Variants in CCDC60 observed in about 807,000 individuals in gnomAD.
CCDC60 encodes the protein coiled-coil domain-containing protein 60.
Under a neutral mutation model 63.5 loss-of-function variants are expected in CCDC60, and 54 were observed. That is an observed-to-expected ratio of 0.85 (90% CI 0.68 to 1.07). CCDC60 has a LOEUF of 1.07. Among genes scored for constraint, CCDC60 ranks in the 50% least tolerant of loss-of-function variants. The pLI, the probability that CCDC60 is intolerant of heterozygous loss-of-function variation, is 0.00. For synonymous variants in CCDC60, 206 were observed against 238.8 expected (o/e 0.86, Z 1.27); for missense variants, 651 against 684.3 (o/e 0.95, Z 0.54).
intron 1 of CCDC60, among the ~76,000 whole-genome samples, chr12:119,423,310 C>G (rs1956846079): frequency 6.6e-6 from 1 of 152,220 alleles, no homozygotes; most frequent in Admixed American, 6.5e-5. Flanking sequence ...CCTTGATTAA[C>G]TTAAGGGGAG....
At chr12:119,341,319 C>G (rs1034249377) in intron 1 of CCDC60, among the ~76,000 whole-genome samples, 1 of 146,700 alleles carries the variant, frequency 6.8e-6, no homozygotes, top group Non-Finnish European at 1.5e-5. Flanking sequence ...TTTGTCCCAT[C>G]TGCAAGGAGG....
intron 1 of CCDC60, among the ~76,000 whole-genome samples, chr12:119,396,407 G>A (rs1956255236): frequency 1.3e-5 from 2 of 152,178 alleles, no homozygotes; most frequent in Non-Finnish European, 2.9e-5. Context: ...GTATAGAGGT[G>A]AGAGTGGCAG....
chr12:119,400,362 T>C lies in CCDC60; in HGVS notation c.91-28321T>C, dbSNP rs529122940. ...CTGCGCCCGGCCCGGTTGGTTTCCA[T>C]AGGTCAGAGCAGCATGAGGATATTT... On this transcript the variant is annotated intron_variant, in intron 1 of 13. Coordinates refer to ENST00000327554, the MANE Select transcript of CCDC60 (RefSeq NM_178499.5). Among the ~76,000 whole-genome samples the C allele has an allele frequency of 9.7e-4, 148 of 152,334 alleles. 1 individual carries two copies. Among genetic ancestry groups the C allele is most frequent in the Admixed American group, 7.6e-3 (116 of 15,310 alleles).
intron 2 of CCDC60, among the ~76,000 whole-genome samples, chr12:119,433,972 G>C (rs1285242752): frequency 6.6e-6 from 1 of 152,160 alleles, no homozygotes; most frequent in Non-Finnish European, 1.5e-5. Context: ...GAAGTGCGAT[G>C]ACGTACCTTC....
intron 7 of CCDC60, among the ~76,000 whole-genome samples, chr12:119,511,393 C>T (rs1262253324): frequency 6.6e-6 from 1 of 152,186 alleles, no homozygotes; most frequent in Non-Finnish European, 1.5e-5. Context: ...GATCCCCTCC[C>T]CAAATCAATG....
At chr12:119,458,580 G>C (rs1370721611) in intron 2 of CCDC60, among the ~76,000 whole-genome samples, 1 of 152,118 alleles carries the variant, frequency 6.6e-6, no homozygotes, top group Non-Finnish European at 1.5e-5. Context: ...TTTCTTGTGA[G>C]GTTCCTGAGA....
chr12:119,538,441 C>T (rs1027610383), intron 13 of CCDC60, among the ~76,000 whole-genome samples: 2 of 152,228 alleles, frequency 1.3e-5, no homozygotes, highest in Admixed American at 1.3e-4. Context: ...CAACCAGTCC[C>T]AATGAGATGA....
intron 4 of CCDC60, among the ~76,000 whole-genome samples, chr12:119,487,727 C>A (rs1313197111): frequency 1.3e-5 from 2 of 152,154 alleles, no homozygotes; most frequent in Admixed American, 6.6e-5. Flanking sequence ...ATAATTCATA[C>A]TCCAGCAGGT....
intron 2 of CCDC60, among the ~76,000 whole-genome samples, chr12:119,440,991 A>C (rs868415689): frequency 1.1e-4 from 16 of 152,342 alleles, no homozygotes; most frequent in Middle Eastern, 3.4e-3. Flanking sequence ...GTATTACATC[A>C]TTCACGTTCC....
At chr12:119,462,634 T>A (rs1342622783) in intron 2 of CCDC60, among the ~76,000 whole-genome samples, 2 of 152,006 alleles carry the variant, frequency 1.3e-5, no homozygotes, top group African/African-American at 2.4e-5. Context: ...AGACTGAGAA[T>A]TTTTTTAGAG....
At chr12:119,513,449 C>T (rs1178537620) in intron 7 of CCDC60, among the ~76,000 whole-genome samples, 1 of 152,178 alleles carries the variant, frequency 6.6e-6, no homozygotes, top group Non-Finnish European at 1.5e-5. Context: ...CTGGTGGGTG[C>T]TGGCAATCCT....
chr12:119,432,186 C>T (rs146120049), intron 2 of CCDC60, among the ~76,000 whole-genome samples: 2 of 152,294 alleles, frequency 1.3e-5, no homozygotes, highest in African/African-American at 4.8e-5. Flanking sequence ...GCCTTGGGAA[C>T]CTTGGAGCCC....
chr12:119,537,052 C>T (rs1402411547), intron 13 of CCDC60, among the ~76,000 whole-genome samples: 1 of 152,176 alleles, frequency 6.6e-6, no homozygotes, highest in Admixed American at 6.5e-5. Flanking sequence ...GTACACCAAT[C>T]AAACATAGTT....
chr12:119,507,664 G>T (rs2136442860), intron 7 of CCDC60, among the ~76,000 whole-genome samples: 1 of 135,404 alleles, frequency 7.4e-6, no homozygotes, highest in African/African-American at 2.8e-5. Flanking sequence ...TGCCCAGGCT[G>T]GAATGCAGTG....
intron 1 of CCDC60, among the ~76,000 whole-genome samples, chr12:119,397,644 C>G (rs1956282976): frequency 6.8e-6 from 1 of 146,576 alleles, no homozygotes; most frequent in African/African-American, 2.6e-5. Flanking sequence ...AGGAGCCCAG[C>G]TGGCTTCGCC....
chr12:119,404,441 C>G (rs188450085), intron 1 of CCDC60, among the ~76,000 whole-genome samples: 2 of 152,208 alleles, frequency 1.3e-5, no homozygotes, highest in Non-Finnish European at 1.5e-5. Flanking sequence ...ACCTCCCCCC[C>G]ACCACCCTGC....
chr12:119,336,008 A>G (rs377050136), intron 1 of CCDC60, among the ~76,000 whole-genome samples: 1 of 148,930 alleles, frequency 6.7e-6, no homozygotes, highest in African/African-American at 2.5e-5. Context: ...AAAACCAAAC[A>G]CCGCATATTC....
chr12:119,452,444 C>G (rs986631819), intron 2 of CCDC60, among the ~76,000 whole-genome samples: 1 of 152,152 alleles, frequency 6.6e-6, no homozygotes, highest in Non-Finnish European at 1.5e-5. Context: ...GGCTTAGGCC[C>G]GAGAACCAGT....
At chr12:119,370,083 G>T (rs768070203) in intron 1 of CCDC60, among the ~76,000 whole-genome samples, 1 of 152,170 alleles carries the variant, frequency 6.6e-6, no homozygotes, top group Non-Finnish European at 1.5e-5. Context: ...CTTCAGGAAA[G>T]GTGGTCACTT....
Sources: gnomAD v4.1 joint callset for allele counts (sites outside exome capture counted in the v4.1 genomes callset) on GRCh38, gnomAD v4.1.1 for gene constraint, MANE v1.5 for transcripts, NCBI Gene and HGNC (gene_info 2026-07-23, HGNC 2026-07-21) for gene names.